AKAP9: variants seen among roughly 807,000 people sequenced by gnomAD.
AKAP9 encodes the protein A-kinase anchor protein 9.
AKAP9 carries 311 observed loss-of-function variants against 488.5 expected under a neutral mutation model. The observed-to-expected ratio is 0.64, with a 90% confidence interval of 0.58 to 0.70. The LOEUF is 0.70. AKAP9 is among the 30% of genes least tolerant of loss of function. AKAP9 has a pLI of 0.00. For missense variants in AKAP9, 4,215 were observed against 4,374.5 expected, an observed-to-expected ratio of 0.96 and a Z score of 1.03; for synonymous variants, 1,462 against 1,483.5, an observed-to-expected ratio of 0.99 and a Z score of 0.33.
chr7:92,057,709 A>G (rs1018462760), intron 22 of AKAP9: 1 of 220,062 alleles, frequency 4.5e-6, no homozygotes, highest in East Asian at 6.6e-5. Flanking sequence ...GGAGATTTCA[A>G]ACTTGACCTT....
chr7:92,087,336 G>A (rs1363871666), intron 37 of AKAP9, among the ~76,000 whole-genome samples: 1 of 152,108 alleles, frequency 6.6e-6, no homozygotes, highest in Non-Finnish European at 1.5e-5. Flanking sequence ...AATTGGTTAA[G>A]CAAAATGATA....
intron 14 of AKAP9, among the ~76,000 whole-genome samples, chr7:92,024,116 C>CAT (rs1802722150): frequency 6.6e-6 from 1 of 151,160 alleles, no homozygotes; most frequent in Non-Finnish European, 1.5e-5. Flanking sequence ...TAATATATAT[C>CAT]ATATATATAA....
chr7:91,983,838 T>G (rs1235899116), intron 3 of AKAP9, among the ~76,000 whole-genome samples: 1 of 152,358 alleles, frequency 6.6e-6, no homozygotes, highest in East Asian at 1.9e-4. Context: ...TTCTAACTTT[T>G]GTGAGATAGT....
rs986301398 is a variant in AKAP9, at chr7:92,003,238, A to G, written c.3318+3A>G. 7.0e-6 allele frequency: 11 copies of G among 1,571,502 alleles called. No homozygotes were observed. The highest frequency in any genetic ancestry group is 3.3e-5 in the Admixed American group (2 of 59,748). ...TCAATGTACTTAAATCAGAACAGGT[A>G]TGTTTACTTCTTCATATATGGTAAA... On this transcript the variant is annotated splice_donor_region_variant and intron_variant, in intron 8 of 49. Transcript: ENST00000356239.
chr7:92,019,361 C>T (rs887038506), intron 12 of AKAP9, among the ~76,000 whole-genome samples: 1 of 151,638 alleles, frequency 6.6e-6, no homozygotes, highest in African/African-American at 2.4e-5. Context: ...AGGCTGGTCT[C>T]GAACTCTTGA....
Position 92,095,191 on chromosome 7 carries a change from T to C in AKAP9, c.9729+18T>C, listed in dbSNP as rs748324332. The C allele has an allele frequency of 1.2e-6, 2 of 1,614,066 alleles. No homozygotes were observed. The highest frequency in any genetic ancestry group is 1.7e-6 in the Non-Finnish European group (2 of 1,179,950). On this transcript the variant is annotated intron_variant, in intron 40 of 49. Coordinates refer to ENST00000356239, the MANE Select transcript of AKAP9 (RefSeq NM_005751.5). ...AACTTGAGGTACTGTTATCTTTGTC[T>C]TTAAATGTCTGGAAAATCCAGAATG... is the stretch of plus-strand genomic sequence containing the variant.
At chr7:92,108,872 A>G in intron 49 of AKAP9, 2 of 561,094 alleles carry the variant, frequency 3.6e-6, no homozygotes, top group East Asian at 6.5e-5. Context: ...ATGATTTCCT[A>G]CTATGTTCAT....
intron 9 of AKAP9, among the ~76,000 whole-genome samples, chr7:92,012,960 T>C (rs1187272091): frequency 1.5e-5 from 2 of 135,488 alleles, no homozygotes; most frequent in East Asian, 4.6e-4. Flanking sequence ...TGGTAGACAG[T>C]GGTGGGGTTG....
intron 22 of AKAP9, chr7:92,058,524 A>G (rs1436875536): frequency 6.0e-6 from 2 of 334,852 alleles, no homozygotes; most frequent in Non-Finnish European, 1.2e-5. Context: ...GTTACTACTC[A>G]TTCATTCTAG....
chr7:92,058,188 A>G (rs180884054), intron 22 of AKAP9: 131 of 593,576 alleles, frequency 2.2e-4, no homozygotes, highest in African/African-American at 2.0e-3. Context: ...TATAGCACCT[A>G]TTTGGCAACT....
rs1819117631 is a variant in AKAP9 at position 92,110,093 on chromosome 7, C to T, written c.11687-29C>T. ...TACAGGTAGCAATGTAATTTGAAAT[C>T]AGTTGAATTTCCTGTTTTTCTCTCA... On this transcript the variant is annotated intron_variant, in intron 49 of 49. Transcript: ENST00000356239. The T allele has an allele frequency of 2.6e-6, 4 of 1,560,066 alleles. No individual in the cohort carries two copies. The African/African-American group carries it at 5.4e-5, about 21-fold the overall frequency.
chr7:92,075,921 A>G (rs957681846), intron 28 of AKAP9, among the ~76,000 whole-genome samples: 2 of 152,206 alleles, frequency 1.3e-5, no homozygotes, highest in Non-Finnish European at 2.9e-5. Context: ...TAAATGATTC[A>G]TAAGCTGCTT....
chr7:91,998,876 G>A (rs1055574499), intron 7 of AKAP9, among the ~76,000 whole-genome samples: 1 of 152,100 alleles, frequency 6.6e-6, no homozygotes, highest in Non-Finnish European at 1.5e-5. Flanking sequence ...AGCATATTCT[G>A]TGAGATAGAG....
At chr7:91,980,495 C>CTGTTTTTTT (rs370796984) in intron 3 of AKAP9, among the ~76,000 whole-genome samples, 162 bp downstream of exon 3, 1 of 48,754 alleles carries the variant, frequency 2.1e-5, no homozygotes, top group African/African-American at 9.3e-5. Context: ...GTATTACTGA[C>CTGTTTTTTT]TTTTTTTTTT....
rs1480071986 is a variant in AKAP9 at position 92,052,875 on chromosome 7, G to A, written c.5518G>A (p.Glu1840Lys). The A allele has an allele frequency of 1.9e-6, 3 of 1,613,816 alleles. No homozygotes were observed. Among genetic ancestry groups the A allele is most frequent in the Non-Finnish European group, 2.5e-6 (3 of 1,179,854 alleles). ...TGGAACTGAAATAGACCCTGAAAATGAAGAACTTATGCTGAACATTAGCTC... is the reference window on the plus strand; with the variant it reads ...TGGAACTGAAATAGACCCTGAAAATAAAGAACTTATGCTGAACATTAGCTC... ...FAGTEIDPEN[E>K]ELMLNISSRL... The change falls in exon 22 of 50, where the codon GAA (glutamate) becomes AAA (lysine). Residue 1840 changes from glutamate to lysine, a missense_variant. This residue lies in a region of AKAP9 where 2,361 missense variants were observed against 2,430.0 expected (regional missense o/e 0.97). Coordinates refer to ENST00000356239, the MANE Select transcript of AKAP9 (RefSeq NM_005751.5).
chr7:91,959,058 T>G (rs1318313370), intron 1 of AKAP9, among the ~76,000 whole-genome samples: 1 of 151,762 alleles, frequency 6.6e-6, no homozygotes, highest in Non-Finnish European at 1.5e-5. Context: ...CAAATTTTTG[T>G]ATTTTTTGTA....
rs756352365 is a variant in AKAP9, at chr7:92,079,690, T to C, written c.7557T>C (p.Tyr2519=). Reference sequence around the variant, plus strand: ...AGGACTTAGAACTTACCCAGTGTTATAAACAAATAAAAGACATGCAAGAAC... The same window carrying C: ...AGGACTTAGAACTTACCCAGTGTTACAAACAAATAAAAGACATGCAAGAAC... ...SAKDLELTQC[Y]KQIKDMQEQG... is the part of the protein sequence containing the mutation. The change falls in exon 31 of 50, where the codon TAT becomes TAC. Residue 2519 remains tyrosine, a synonymous_variant. Transcript: ENST00000356239. The C allele has an allele frequency of 5.6e-6, 9 of 1,614,072 alleles. No homozygotes were observed. The East Asian group carries it at 1.8e-4, about 32-fold the overall frequency.
chr7:91,967,293 T>C (rs1368978447), intron 1 of AKAP9, among the ~76,000 whole-genome samples: 2 of 152,170 alleles, frequency 1.3e-5, no homozygotes, highest in Non-Finnish European at 2.9e-5. Context: ...CCTTTCCAAT[T>C]TGGTTATCTT....
chr7:92,036,556 G>T (rs898055581), intron 16 of AKAP9, among the ~76,000 whole-genome samples: 1 of 152,074 alleles, frequency 6.6e-6, no homozygotes, highest in African/African-American at 2.4e-5. Context: ...CCATTATCTC[G>T]TGAAATAGTT....
Sources: allele counts gnomAD v4.1 joint callset (sites outside exome capture counted in the v4.1 genomes callset), GRCh38; gene constraint gnomAD v4.1.1; regional missense constraint gnomAD v4.1.1; transcripts MANE v1.5; gene names NCBI Gene and HGNC (gene_info 2026-07-23, HGNC 2026-07-21).